TRA2A: variants seen among roughly 807,000 people sequenced by gnomAD.
TRA2A encodes transformer 2 alpha homolog, also known as transformer-2 protein homolog alpha.
In TRA2A, 31 loss-of-function variants were observed where a neutral mutation model predicts 45.7. The observed-to-expected ratio is 0.68, with a 90% CI of 0.51 to 0.92. The LOEUF (loss-of-function observed/expected upper bound fraction) is 0.92, where lower values mean the gene tolerates loss of function less well. Ranked by LOEUF, TRA2A falls within the 40% of genes least tolerant of loss-of-function variation. The pLI is 0.00. For missense variants in TRA2A, 304 were observed against 367.5 expected, an observed-to-expected ratio of 0.83 and a Z score of 1.41; for synonymous variants, 132 against 126.2, an observed-to-expected ratio of 1.05 and a Z score of -0.31.
chr7:23,526,729 G>T (rs527408804), intron 1 of TRA2A, among the ~76,000 whole-genome samples: 1 of 152,274 alleles, frequency 6.6e-6, no homozygotes, highest in African/African-American at 2.4e-5. Flanking sequence ...AAAGAAGATA[G>T]CGACTGCTCA....
intron 1 of TRA2A, among the ~76,000 whole-genome samples, chr7:23,530,905 ACAG>A (rs1403513562): frequency 4.8e-5 from 7 of 144,390 alleles, no homozygotes; most frequent in Non-Finnish European, 7.5e-5. Flanking sequence ...TTAAAGAAAG[ACAG>A]ATTTTTTTTT....
intron 4 of TRA2A, 36 bp downstream of exon 4, chr7:23,512,858 C>G: frequency 1.4e-6 from 2 of 1,441,648 alleles, no homozygotes; most frequent in Non-Finnish European, 1.9e-6. Flanking sequence ...CACACTAATT[C>G]AGTACTATAA....
At chr7:23,529,580 G>T (rs762412729) in intron 1 of TRA2A, among the ~76,000 whole-genome samples, 1 of 152,064 alleles carries the variant, frequency 6.6e-6, no homozygotes, top group Non-Finnish European at 1.5e-5. Context: ...TTTAAAAAGG[G>T]CATCTCCAGA....
In TRA2A at chr7:23,505,312, A is replaced by G. The variant is rs549468494; in HGVS notation, c.*247T>C. On this transcript the variant is annotated 3_prime_UTR_variant, in exon 8 of 8. Coordinates refer to ENST00000297071, the MANE Select transcript of TRA2A (RefSeq NM_013293.5). ...AAAAAAAAAATTTACAAAGCATAAC[A>G]TAACATTGGGGTTCTTTTTATACTC... is the stretch of plus-strand genomic sequence containing the variant. 2.5e-6 allele frequency: 1 copy of G among 393,688 alleles called. No homozygotes were observed. Among genetic ancestry groups the G allele is most frequent in the Middle Eastern group, 6.8e-4 (1 of 1,464 alleles). 24.4% of individuals were successfully genotyped at this position (393,688 alleles called of 1,614,324 possible).
rs764849438 is a variant in TRA2A, at chr7:23,517,503, A to AAAAAAAAAAAAG, written c.171-976_171-975insCTTTTTTTTTTT. On this transcript the variant is annotated intron_variant, in intron 2 of 7. Transcript: ENST00000297071. ...AAAAAAAAAAAAAAAAAAAAAAAAAAAGAGAGAAAGAAAGAAAAATCACTT... is the reference window on the plus strand; with the variant it reads ...AAAAAAAAAAAAAAAAAAAAAAAAAAAAAAAAAAAAAGAGAGAGAAAGAAAGAAAAATCACTT... Among the ~76,000 whole-genome samples the AAAAAAAAAAAAG allele has an allele frequency of 6.5e-3, 755 of 116,104 alleles. 51 individuals are homozygous for AAAAAAAAAAAAG. The highest frequency in any genetic ancestry group is 8.7e-3 in the East Asian group (26 of 2,990). The allele number at this position is 116,104 out of a possible 152,430, so 76.2% of individuals were successfully genotyped here.
intron 1 of TRA2A, among the ~76,000 whole-genome samples, chr7:23,523,985 A>G (rs1026975658): frequency 1.3e-5 from 2 of 152,222 alleles, no homozygotes; most frequent in African/African-American, 4.8e-5. Flanking sequence ...GAACGCTGCT[A>G]CAGTCCTTCT....
chr7:23,527,181 CT>C (rs1234284769), intron 1 of TRA2A, among the ~76,000 whole-genome samples: 4 of 152,040 alleles, frequency 2.6e-5, no homozygotes, highest in African/African-American at 9.7e-5. Context: ...TGATAGGGTC[CT>C]GGTTTCAAGG....
intron 1 of TRA2A, among the ~76,000 whole-genome samples, chr7:23,525,831 A>G (rs978994414): frequency 2.6e-5 from 4 of 152,096 alleles, no homozygotes; most frequent in Admixed American, 2.0e-4. Context: ...CCTGACCTCA[A>G]GTGATCCACC....
At chr7:23,510,081 A>G (rs550554633) in intron 4 of TRA2A, among the ~76,000 whole-genome samples, 3 of 152,246 alleles carry the variant, frequency 2.0e-5, no homozygotes, top group Non-Finnish European at 4.4e-5. Flanking sequence ...GAAAAAAATC[A>G]AATCACTTCA....
chr7:23,510,596 G>A (rs1303468917), intron 4 of TRA2A, among the ~76,000 whole-genome samples: 2 of 152,088 alleles, frequency 1.3e-5, no homozygotes, highest in Non-Finnish European at 2.9e-5. Flanking sequence ...CCGAAGTGCT[G>A]GGATTACAAG....
Position 23,506,163 on chromosome 7 carries a change from A to G in TRA2A, c.745T>C (p.Tyr249His), listed in dbSNP as rs956544143. The change falls in exon 6 of 8, where the codon TAT (tyrosine) becomes CAT (histidine). Residue 249 changes from tyrosine (Y) to histidine (H), a missense_variant. Physicochemically the swap from Tyr to His is moderately conservative, Grantham distance 83. This residue lies in a region of TRA2A where 130 missense variants were observed against 217.1 expected (regional missense o/e 0.60). Transcript: ENST00000297071. The part of the protein sequence containing the change: ...DRGYDRGYDR[Y>H]EDYDYRYRRR... ...CTGTATCGGTAATCATAGTCTTCAT[A>G]TCTGTCATACCCACGATCATATCCT... 5 of 1,612,300 alleles carry G rather than the reference A, an allele frequency of 3.1e-6. No homozygotes were observed. The highest frequency in any genetic ancestry group is 4.2e-6 in the Non-Finnish European group (5 of 1,178,786).
intron 3 of TRA2A, among the ~76,000 whole-genome samples, chr7:23,514,725 A>T (rs1403446288): frequency 6.6e-6 from 1 of 152,092 alleles, no homozygotes; most frequent in Non-Finnish European, 1.5e-5. Context: ...CCTCCCAAGT[A>T]GTCGGGATTA....
Position 23,516,358 on chromosome 7 carries a change from C to G in TRA2A, c.336+5G>C. On this transcript the variant is annotated splice_donor_5th_base_variant and intron_variant, in intron 3 of 7. Coordinates refer to ENST00000297071, the MANE Select transcript of TRA2A (RefSeq NM_013293.5). ...AGTCTTCATTAACTTTTATAAACCACGTACCCTGCTGCCAGTATGTCTTCT... is the reference window on the plus strand; with the variant it reads ...AGTCTTCATTAACTTTTATAAACCAGGTACCCTGCTGCCAGTATGTCTTCT... 2 of 1,614,088 alleles carry G rather than the reference C, an allele frequency of 1.2e-6. No individual in the cohort carries two copies. Among genetic ancestry groups the G allele is most frequent in the Non-Finnish European group, 1.7e-6 (2 of 1,179,986 alleles).
chr7:23,516,315 C>G, intron 3 of TRA2A, 48 bp downstream of exon 3: 3 of 1,599,662 alleles, frequency 1.9e-6, no homozygotes, highest in Non-Finnish European at 2.6e-6. Context: ...CATGACTAAA[C>G]ACATAAAAGA....
intron 5 of TRA2A, chr7:23,507,055 G>A (rs957498214): frequency 2.1e-4 from 39 of 184,204 alleles, no homozygotes; most frequent in Admixed American, 2.0e-3. Flanking sequence ...AAGCCACTGC[G>A]CCCGGCAAAT....
chr7:23,521,377 T>C (rs139869721), intron 2 of TRA2A, among the ~76,000 whole-genome samples: 3 of 152,356 alleles, frequency 2.0e-5, no homozygotes, highest in East Asian at 3.9e-4. Flanking sequence ...GATGGCTATA[T>C]ACACATAATT....
intron 1 of TRA2A, among the ~76,000 whole-genome samples, chr7:23,527,202 A>G (rs1319575410): frequency 4.6e-5 from 7 of 152,192 alleles, no homozygotes; most frequent in Non-Finnish European, 8.8e-5. Context: ...GAAAGATCAC[A>G]ACTTTTCTTC....
intron 3 of TRA2A, among the ~76,000 whole-genome samples, chr7:23,515,365 G>C (rs1250167257): frequency 5.3e-5 from 8 of 151,536 alleles, no homozygotes; most frequent in Admixed American, 4.6e-4. Context: ...GAGTAGCTGG[G>C]ACTACAGGCG....
chr7:23,531,911 G>C lies in TRA2A; in HGVS notation c.-87C>G. 1.3e-6 allele frequency: 2 copies of C among 1,492,392 alleles called. No individual in the cohort carries two copies. The highest frequency in any genetic ancestry group is 1.1e-5 in the South Asian group (1 of 87,884). The allele number at this position is 1,492,392 out of a possible 1,614,324, so 92.4% of individuals were successfully genotyped here. A position where few individuals can be genotyped will look rare whatever the true frequency, so the allele number is the denominator to read the frequency against. On this transcript the variant is annotated 5_prime_UTR_variant, in exon 1 of 8. Coordinates refer to ENST00000297071, the MANE Select transcript of TRA2A (RefSeq NM_013293.5). ...TAATTAACCCGCTGACTGGACCGTG[G>C]GGAAGAGGAAAGAGTCGGCAACCAC... is the stretch of plus-strand genomic sequence containing the variant.
Sources: gnomAD v4.1 joint callset for allele counts (sites outside exome capture counted in the v4.1 genomes callset) on GRCh38, gnomAD v4.1.1 for gene constraint, gnomAD v4.1.1 regional missense constraint, MANE v1.5 for transcripts, NCBI Gene and HGNC (gene_info 2026-07-23, HGNC 2026-07-21) for gene names.